Variants in CCDC158 observed in about 807,000 individuals in gnomAD.
The protein encoded by CCDC158 is coiled-coil domain-containing protein 158.
CCDC158 carries 116 observed loss-of-function variants against 138.6 expected under a neutral mutation model. The observed-to-expected ratio is 0.84, with a 90% CI of 0.72 to 0.98. CCDC158 has a LOEUF of 0.98. Ranked by LOEUF, CCDC158 falls within the 50% of genes least tolerant of loss-of-function variation. The pLI, the probability that CCDC158 is intolerant of heterozygous loss-of-function variation, is 0.00. For synonymous variants in CCDC158, 436 were observed against 442.4 expected (o/e 0.99, Z 0.18); for missense variants, 1,265 against 1,306.1 (o/e 0.97, Z 0.48).
At chr4:76,369,339 A>T (rs561896197) in intron 11 of CCDC158, 87 bp downstream of exon 11, 1 of 1,315,156 alleles carries the variant, frequency 7.6e-7, no homozygotes, top group South Asian at 1.5e-5. Context: ...CATATATGTT[A>T]AAAATAAAAA....
At chr4:76,397,200 G>T (rs1727897811) in intron 3 of CCDC158, among the ~76,000 whole-genome samples, 1 of 151,202 alleles carries the variant, frequency 6.6e-6, no homozygotes, top group Non-Finnish European at 1.5e-5. Context: ...TGTAGCATTT[G>T]CTTAATTTTG....
intron 4 of CCDC158, among the ~76,000 whole-genome samples, chr4:76,390,800 C>T (rs1451352269): frequency 6.6e-6 from 1 of 151,754 alleles, no homozygotes; most frequent in African/African-American, 2.4e-5. Flanking sequence ...ATATTCCATG[C>T]CAATGGAAAC....
At position 76,384,359 on chromosome 4, in the gene CCDC158, T is replaced by C; in HGVS notation, c.455A>G (p.His152Arg). 6.2e-7 allele frequency: 1 copy of C among 1,614,120 alleles called. No homozygotes were observed. Among genetic ancestry groups the C allele is most frequent in the Non-Finnish European group, 8.5e-7 (1 of 1,179,996 alleles). ...DLRNQLQNTV[H>R]ELEAAKCLKE... ...AAGGCATTTGGCAGCTTCAAGTTCA[T>C]GAACTGTATTTTGAAGCTGATTTCT... Residue 152 changes from histidine to arginine, a missense_variant, in exon 6 of 25, where the codon CAT becomes CGT. Transcript: ENST00000682701.
intron 9 of CCDC158, among the ~76,000 whole-genome samples, chr4:76,374,515 T>C (rs1725543765): frequency 6.6e-6 from 1 of 152,222 alleles, no homozygotes; most frequent in African/African-American, 2.4e-5. Context: ...TTCCATTTTT[T>C]TCATCTGTAA....
intron 2 of CCDC158, among the ~76,000 whole-genome samples, chr4:76,411,177 G>A (rs577296397): frequency 1.5e-4 from 23 of 152,262 alleles, no homozygotes; most frequent in African/African-American, 4.1e-4. Flanking sequence ...AAAGGTGGGC[G>A]GATCACTTGA....
In CCDC158 at chr4:76,379,743, TACACACACACACACAC is replaced by T. The variant is rs34043671; in HGVS notation, c.915-355_915-340del. ...TTTACTTATATATATTCATATATAT[TACACACACACACACAC>T]ACACACACACACACACACACACGGT... On this transcript the variant is annotated intron_variant, in intron 8 of 24. Coordinates refer to ENST00000682701, the MANE Select transcript of CCDC158 (RefSeq NM_001394954.1). Among the ~76,000 whole-genome samples the T allele has an allele frequency of 2.7e-4, 39 of 147,080 alleles. 1 individual carries two copies. The highest frequency in any genetic ancestry group is 8.1e-4 in the African/African-American group (32 of 39,684).
intron 18 of CCDC158, among the ~76,000 whole-genome samples, chr4:76,343,069 G>A (rs1722210819): frequency 6.6e-6 from 1 of 152,168 alleles, no homozygotes; most frequent in African/African-American, 2.4e-5. Context: ...GGACTCCATA[G>A]AGATATCTAT....
chr4:76,400,754 C>T (rs1363688386), intron 3 of CCDC158, among the ~76,000 whole-genome samples: 1 of 151,920 alleles, frequency 6.6e-6, no homozygotes, highest in Non-Finnish European at 1.5e-5. Context: ...TGTGTATTTT[C>T]CCTAGCAAAT....
At chr4:76,389,081 C>G (rs1384944957) in intron 4 of CCDC158, among the ~76,000 whole-genome samples, 1 of 151,966 alleles carries the variant, frequency 6.6e-6, no homozygotes, top group Non-Finnish European at 1.5e-5. Flanking sequence ...TCAACACCAT[C>G]CAGGAAAACA....
chr4:76,319,971 G>A (rs1375591595), intron 24 of CCDC158, among the ~76,000 whole-genome samples: 1 of 152,108 alleles, frequency 6.6e-6, no homozygotes. Context: ...GAAATAAAGG[G>A]CATCCAAATG....
intron 2 of CCDC158, among the ~76,000 whole-genome samples, chr4:76,407,006 G>C (rs891106337): frequency 1.3e-5 from 2 of 152,000 alleles, no homozygotes; most frequent in Admixed American, 6.6e-5. Flanking sequence ...AAAACAATGA[G>C]TCAAATTCAT....
chr4:76,390,351 C>A (rs929052790), intron 4 of CCDC158, among the ~76,000 whole-genome samples: 1 of 151,678 alleles, frequency 6.6e-6, no homozygotes, highest in Non-Finnish European at 1.5e-5. Flanking sequence ...TCATGGTAAC[C>A]TCAAAGGTAA....
chr4:76,379,383 G>A lies in CCDC158; in HGVS notation c.936C>T (p.Asn312=), dbSNP rs747319510. ...EIIQEQARNQ[N]SMYMRQLSDL... Reference sequence around the variant, plus strand: ...CGCTGAGCTGACGCATATACATAGAGTTTTGGTTTCTTGCTTGCTCTCTAA... The same window carrying A: ...CGCTGAGCTGACGCATATACATAGAATTTTGGTTTCTTGCTTGCTCTCTAA... Residue 312 remains asparagine, a synonymous_variant, in exon 9 of 25, where the codon AAC becomes AAT. Coordinates refer to ENST00000682701, the MANE Select transcript of CCDC158 (RefSeq NM_001394954.1). 4 of 1,601,242 alleles carry A rather than the reference G, an allele frequency of 2.5e-6. No individual in the cohort carries two copies. The highest frequency in any genetic ancestry group is 3.4e-6 in the Non-Finnish European group (4 of 1,175,554).
rs191481702 is a variant in CCDC158, at chr4:76,321,185, G to T, written c.3277+2117C>A. On this transcript the variant is annotated intron_variant, in intron 24 of 24. Transcript: ENST00000682701. ...AATGCTCAACATCACTAATGATCAG[G>T]GAAATGCAAATCAAAACAACAGTAT... Among the ~76,000 whole-genome samples, 311 of 152,148 alleles carry T rather than the reference G, an allele frequency of 2.0e-3. 1 individual carries two copies. Among genetic ancestry groups the T allele is most frequent in the African/African-American group, 6.9e-3 (285 of 41,494 alleles).
At chr4:76,327,265 T>C (rs79313683) in intron 22 of CCDC158, among the ~76,000 whole-genome samples, 10,538 of 152,202 alleles carry the variant, frequency 0.069, 469 homozygotes, top group South Asian at 0.18. Context: ...CTCAAAGATC[T>C]TCCCCAAGCC....
intron 24 of CCDC158, among the ~76,000 whole-genome samples, chr4:76,321,498 C>T (rs1007858146): frequency 5.3e-5 from 8 of 150,902 alleles, no homozygotes; most frequent in African/African-American, 1.9e-4. Flanking sequence ...AATATGGAAC[C>T]AGCCTAAATG....
intron 2 of CCDC158, among the ~76,000 whole-genome samples, chr4:76,406,965 T>C (rs1728876717): frequency 6.6e-6 from 1 of 151,822 alleles, no homozygotes; most frequent in Admixed American, 6.6e-5. Context: ...AAATAATAAA[T>C]GCAAAAGCAG....
In CCDC158 at chr4:76,361,492, G is replaced by A. The variant is rs1382538531; in HGVS notation, c.2020+634C>T. On this transcript the variant is annotated intron_variant, in intron 13 of 24. Transcript: ENST00000682701. ...CAGGAGAATGGCATGAACCCGGGAG[G>A]CGGAGCTTGCAGTGAGCTGAGATCA... Among the ~76,000 whole-genome samples the A allele has an allele frequency of 2.0e-5, 3 of 152,334 alleles. No homozygotes were observed. The East Asian group carries it at 5.8e-4, about 29-fold the overall frequency.
intron 3 of CCDC158, among the ~76,000 whole-genome samples, chr4:76,399,483 A>T (rs2109848052): frequency 6.6e-6 from 1 of 152,302 alleles, no homozygotes; most frequent in Admixed American, 6.5e-5. Context: ...AATTAAATTT[A>T]AAAATAAATA....
Sources: allele counts gnomAD v4.1 joint callset (sites outside exome capture counted in the v4.1 genomes callset), GRCh38; gene constraint gnomAD v4.1.1; transcripts MANE v1.5; gene names NCBI Gene and HGNC (gene_info 2026-07-23, HGNC 2026-07-21).